Variants in RERE observed in about 807,000 individuals in gnomAD.
RERE encodes arginine-glutamic acid dipeptide repeats protein.
In RERE, 40 loss-of-function variants were observed where a neutral mutation model predicts 146.1. The observed-to-expected ratio is 0.27, with a 90% CI of 0.21 to 0.36. The LOEUF (loss-of-function observed/expected upper bound fraction) is 0.36. Among genes scored for constraint, RERE ranks in the 10% least tolerant of loss-of-function variants. RERE has a pLI of 1.00. For missense variants in RERE, 1,933 were observed against 2,138.7 expected (o/e 0.90, Z 1.90); for synonymous variants, 1,003 against 866.0 (o/e 1.16, Z -2.78).
intron 6 of RERE, among the ~76,000 whole-genome samples, chr1:8,544,992 G>A (rs1645841237): frequency 6.6e-6 from 1 of 152,212 alleles, no homozygotes; most frequent in Non-Finnish European, 1.5e-5. Flanking sequence ...GTGTGTATAT[G>A]TGTGCAGAAG....
intron 4 of RERE, among the ~76,000 whole-genome samples, chr1:8,599,501 T>G (rs1175489343): frequency 1.3e-5 from 2 of 152,148 alleles, no homozygotes; most frequent in Admixed American, 6.5e-5. Context: ...CAACCCTCTT[T>G]TAATAATTCC....
chr1:8,751,794 G>T (rs938512430), intron 1 of RERE, among the ~76,000 whole-genome samples: 2 of 128,040 alleles, frequency 1.6e-5, no homozygotes. Context: ...AAAAAAAAAA[G>T]AACTTACATT....
chr1:8,745,455 G>A (rs1470467140), intron 1 of RERE, among the ~76,000 whole-genome samples: 3 of 152,140 alleles, frequency 2.0e-5, no homozygotes. Flanking sequence ...CACTTGGCAT[G>A]TCCAGCTATT....
At chr1:8,449,395 G>C (rs1208553414) in intron 11 of RERE, among the ~76,000 whole-genome samples, 3 of 152,132 alleles carry the variant, frequency 2.0e-5, no homozygotes, top group Non-Finnish European at 4.4e-5. Context: ...TCCCTGTTCT[G>C]TCTCTCCTGG....
Position 8,364,293 on chromosome 1 carries a change from C to G in RERE, c.1541-38G>C. 6.3e-7 allele frequency: 1 copy of G among 1,585,406 alleles called. No homozygotes were observed. Among genetic ancestry groups the G allele is most frequent in the Non-Finnish European group, 8.7e-7 (1 of 1,154,620 alleles). ...AGTGGTGGGGGCCAACCTTGGAAAC[C>G]ATCCCTCTCCCTGGGGATGTCTGGG... On this transcript the variant is annotated intron_variant, in intron 14 of 22. Coordinates refer to ENST00000400908, the MANE Select transcript of RERE (RefSeq NM_001042681.2). The surrounding 1 kb of genome is among the most constrained non-coding windows in gnomAD (Gnocchi z 5.1).
At chr1:8,441,152 G>A (rs1478825091) in intron 11 of RERE, among the ~76,000 whole-genome samples, 1 of 151,976 alleles carries the variant, frequency 6.6e-6, no homozygotes, top group Non-Finnish European at 1.5e-5. Context: ...GCTAGCCCTC[G>A]TCACACCACT....
chr1:8,547,696 A>G (rs1461779141), intron 6 of RERE, among the ~76,000 whole-genome samples: 1 of 152,214 alleles, frequency 6.6e-6, no homozygotes, highest in Non-Finnish European at 1.5e-5. Flanking sequence ...CACCTATCAG[A>G]CTTGTAAAAA....
chr1:8,356,158 G>A lies in RERE; in HGVS notation c.4428C>T (p.Pro1476=). The A allele has an allele frequency of 6.6e-7, 1 of 1,521,018 alleles. No individual in the cohort carries two copies. Among genetic ancestry groups the A allele is most frequent in the South Asian group, 1.3e-5 (1 of 78,156 alleles). The allele number at this position is 1,521,018 out of a possible 1,614,324, so 94.2% of individuals were successfully genotyped here. A position where few individuals can be genotyped will look rare whatever the true frequency, so the allele number is the denominator to read the frequency against. The change falls in exon 21 of 23, where the codon CCC becomes CCT. Residue 1476 remains proline, a synonymous_variant. Transcript: ENST00000400908. The surrounding 1 kb of genome is among the most constrained non-coding windows in gnomAD (Gnocchi z 5.2). ...GTGGGGGCTGTCCAAGCAGAGGGTT[G>A]GGGAGAGTGCCAGGCGGGTAGGGGA... ...ARFPYPPGTL[P]NPLLGQPPHE...
At chr1:8,450,467 G>C (rs1356855036) in intron 11 of RERE, among the ~76,000 whole-genome samples, 1 of 151,848 alleles carries the variant, frequency 6.6e-6, no homozygotes, top group African/African-American at 2.4e-5. Context: ...AGCCCTTCCT[G>C]TATTCCCAGC....
rs569255814 is a variant in RERE at position 8,496,476 on chromosome 1, C to CA, written c.1004+928dup. Among the ~76,000 whole-genome samples, 667 of 139,780 alleles carry CA rather than the reference C, an allele frequency of 4.8e-3. 4 individuals carry two copies. The highest frequency in any genetic ancestry group is 6.6e-3 in the Non-Finnish European group (426 of 64,074). The allele number at this position is 139,780 out of a possible 152,430, so 91.7% of individuals were successfully genotyped here. The stretch of plus-strand genomic sequence containing the variant: ...TGGGTGACACAGCAAGACCCTGTTT[C>CA]AAAAAAACAAAACAAGTAACAACCA... On this transcript the variant is annotated intron_variant, in intron 9 of 22. Transcript: ENST00000400908.
Position 8,607,197 on chromosome 1 carries a change from A to G in RERE, c.522+7364T>C, listed in dbSNP as rs561610234. ...GCAATGTGGCAAAGCCCCGTCTCTA[A>G]AAAAATTTAAAAATTAGCTGGGTAT... On this transcript the variant is annotated intron_variant, in intron 4 of 22. Coordinates refer to ENST00000400908, the MANE Select transcript of RERE (RefSeq NM_001042681.2). 9.0e-4 allele frequency among the ~76,000 whole-genome samples: 137 copies of G among 151,982 alleles called. 1 individual carries two copies. Among genetic ancestry groups the G allele is most frequent in the African/African-American group, 1.3e-3 (52 of 41,456 alleles).
In RERE at chr1:8,796,906, G is replaced by A. The variant is rs565482861; in HGVS notation, c.-145+20254C>T. 9.2e-5 allele frequency among the ~76,000 whole-genome samples: 14 copies of A among 152,236 alleles called. No individual in the cohort carries two copies. The East Asian group carries it at 2.5e-3, about 27-fold the overall frequency. On this transcript the variant is annotated intron_variant, in intron 1 of 22. Coordinates refer to ENST00000400908, the MANE Select transcript of RERE (RefSeq NM_001042681.2). ...AAATCAACAGAAAACCATCTACTAT[G>A]AGCCTCCGTTGACAACTTCTCCCAA...
intron 4 of RERE, among the ~76,000 whole-genome samples, chr1:8,577,672 G>A (rs979859399): frequency 1.3e-5 from 2 of 152,176 alleles, no homozygotes; most frequent in African/African-American, 4.8e-5. Flanking sequence ...ATGAGATCTA[G>A]AGTATCTCAC....
intron 8 of RERE, among the ~76,000 whole-genome samples, chr1:8,498,525 G>A (rs1438410899): frequency 1.3e-5 from 2 of 151,230 alleles, no homozygotes; most frequent in Non-Finnish European, 2.9e-5. Flanking sequence ...ATAAAACCCC[G>A]TCACTACTAA....
chr1:8,688,323 T>TG (rs1335126248), intron 1 of RERE, among the ~76,000 whole-genome samples: 1 of 151,960 alleles, frequency 6.6e-6, no homozygotes, highest in Non-Finnish European at 1.5e-5. Context: ...CCCAACACTT[T>TG]GGGAGGCAAA....
chr1:8,629,853 C>T (rs1647014540), intron 2 of RERE, among the ~76,000 whole-genome samples: 1 of 152,216 alleles, frequency 6.6e-6, no homozygotes, highest in Admixed American at 6.5e-5. Context: ...CAAAGCATGG[C>T]AGTGCCACTC....
chr1:8,365,269 C>T (rs1228648691), intron 13 of RERE, among the ~76,000 whole-genome samples: 2 of 152,166 alleles, frequency 1.3e-5, no homozygotes, highest in Non-Finnish European at 1.5e-5. Context: ...TCAGGTTCAG[C>T]GTCCCGGGCC....
intron 12 of RERE, among the ~76,000 whole-genome samples, chr1:8,398,000 T>C (rs763391477): frequency 4.6e-5 from 7 of 152,126 alleles, no homozygotes; most frequent in Non-Finnish European, 1.0e-4. Context: ...AAGGGAGGTG[T>C]AAGATAGAAT....
chr1:8,530,723 C>T (rs1272397381), intron 7 of RERE, among the ~76,000 whole-genome samples: 12 of 120,758 alleles, frequency 9.9e-5, no homozygotes, highest in African/African-American at 3.9e-4. Context: ...CTCGCTCTGT[C>T]GCCCAGGCCG....
Sources: allele counts gnomAD v4.1 joint callset (sites outside exome capture counted in the v4.1 genomes callset), GRCh38; gene constraint gnomAD v4.1.1; non-coding constraint Gnocchi (gnomAD v3.1); transcripts MANE v1.5; gene names NCBI Gene and HGNC (gene_info 2026-07-23, HGNC 2026-07-21).